Variants in MED26 observed in about 807,000 individuals in gnomAD.
MED26 encodes mediator of RNA polymerase II transcription subunit 26.
In MED26, 7 loss-of-function variants were observed where a neutral mutation model predicts 43.7. The ratio of observed to expected loss-of-function variants is 0.16; its 90% CI spans 0.09 to 0.30. The LOEUF (loss-of-function observed/expected upper bound fraction) is 0.30, where lower values mean the gene tolerates loss of function less well. Among genes scored for constraint, MED26 ranks in the 10% least tolerant of loss-of-function variants. The pLI is 1.00. For synonymous variants in MED26, 375 were observed against 371.1 expected (o/e 1.01, Z -0.12); for missense variants, 784 against 840.6 (o/e 0.93, Z 0.83).
At chr19:16,594,890 C>A (rs1240803229) in intron 1 of MED26, among the ~76,000 whole-genome samples, 1 of 152,130 alleles carries the variant, frequency 6.6e-6, no homozygotes, top group Admixed American at 6.5e-5. Flanking sequence ...GTCACCACAC[C>A]AAAACGGCTC....
chr19:16,617,671 A>G (rs2086232346), intron 1 of MED26, among the ~76,000 whole-genome samples: 1 of 152,180 alleles, frequency 6.6e-6, no homozygotes, highest in African/African-American at 2.4e-5. Context: ...CAGTGTTTAG[A>G]GGAAGGAAAA....
At chr19:16,611,389 G>A (rs1329571604) in intron 1 of MED26, 1 of 152,042 alleles carries the variant, frequency 6.6e-6, no homozygotes, top group African/African-American at 2.4e-5. Flanking sequence ...CTAGTGTTCT[G>A]AACCTTCCGG....
chr19:16,577,084 A>G lies in MED26; in HGVS notation c.746T>C (p.Val249Ala). The change falls in exon 3 of 3, where the codon GTG becomes GCG. Residue 249 changes from valine (V) to alanine (A), a missense_variant. Val to Ala is a moderately conservative substitution (Grantham distance 64). This residue lies in a region of MED26 where 719 missense variants were observed against 730.9 expected (regional missense o/e 0.98). Coordinates refer to ENST00000263390, the MANE Select transcript of MED26 (RefSeq NM_004831.5). The surrounding 1 kb of genome is among the most constrained non-coding windows in gnomAD (Gnocchi z 8.1). ...PGPCLQPKAS[V>A]LQQLDRVDET... The stretch of plus-strand genomic sequence containing the variant: ...GTCCACCCTGTCCAGCTGCTGCAGC[A>G]CCGAAGCCTTTGGCTGCAAGCAGGG... 6.2e-7 allele frequency: 1 copy of G among 1,609,570 alleles called. No individual in the cohort carries two copies. Among genetic ancestry groups the G allele is most frequent in the Non-Finnish European group, 8.5e-7 (1 of 1,176,912 alleles).
chr19:16,592,654 C>T (rs1188597674), intron 1 of MED26, among the ~76,000 whole-genome samples: 3 of 152,232 alleles, frequency 2.0e-5, no homozygotes, highest in Non-Finnish European at 4.4e-5. Context: ...CCACCTTCAT[C>T]CACTTGGCTC....
chr19:16,594,644 TGAA>T lies in MED26; in HGVS notation c.73-16238_73-16236del, dbSNP rs1426917945. Among the ~76,000 whole-genome samples the T allele has an allele frequency of 4.5e-4, 68 of 152,246 alleles. 1 individual carries two copies. Among genetic ancestry groups the T allele is most frequent in the Non-Finnish European group, 2.6e-4 (18 of 68,018 alleles). On this transcript the variant is annotated intron_variant, in intron 1 of 2. Transcript: ENST00000263390. ...GGTTCATTTTTCACCACGGTGAAGA[TGAA>T]GAAGGGGGAAAAAACCAGAACTTTC...
At chr19:16,598,329 T>C (rs1599339351) in intron 1 of MED26, among the ~76,000 whole-genome samples, 1 of 83,758 alleles carries the variant, frequency 1.2e-5, no homozygotes, top group Non-Finnish European at 2.2e-5. Context: ...AGAGTAAGAT[T>C]CCATCTCAAA....
At chr19:16,593,430 T>C (rs777509549) in intron 1 of MED26, among the ~76,000 whole-genome samples, 3 of 152,238 alleles carry the variant, frequency 2.0e-5, no homozygotes, top group African/African-American at 4.8e-5. Context: ...TTCTCACATG[T>C]GGTCCAGCCT....
chr19:16,575,898 C>T lies in MED26; in HGVS notation c.*129G>A. ...AGACCGCGTGACTCCCGCCCCCTCC[C>T]TCCCGCCTGGGCCGGACTCCCCGAG... On this transcript the variant is annotated 3_prime_UTR_variant, in exon 3 of 3. Transcript: ENST00000263390. 1.3e-6 allele frequency: 1 copy of T among 764,154 alleles called. No individual in the cohort carries two copies. Among genetic ancestry groups the T allele is most frequent in the South Asian group, 1.8e-5 (1 of 56,022 alleles). The allele number at this position is 764,154 out of a possible 1,614,324, so 47.3% of individuals were successfully genotyped here. A position where few individuals can be genotyped will look rare whatever the true frequency, so the allele number is the denominator to read the frequency against.
In MED26 at chr19:16,628,085, G is replaced by A; in HGVS notation, c.-142C>T. 1 of 409,884 alleles carries A rather than the reference G, an allele frequency of 2.4e-6. No individual in the cohort carries two copies. The highest frequency in any genetic ancestry group is 9.8e-5 in the South Asian group (1 of 10,214). The allele number at this position is 409,884 out of a possible 1,614,324, so 25.4% of individuals were successfully genotyped here. The stretch of plus-strand genomic sequence containing the variant: ...CCGGGGGGTTGGGGGCGCGCGGGGT[G>A]GCGGAGAGGGGAGCCGGGGCCGGGT... On this transcript the variant is annotated 5_prime_UTR_variant, in exon 1 of 3. Transcript: ENST00000263390.
chr19:16,583,194 C>T (rs2086054176), intron 1 of MED26, among the ~76,000 whole-genome samples: 1 of 152,252 alleles, frequency 6.6e-6, no homozygotes, highest in African/African-American at 2.4e-5. Flanking sequence ...TCAGGAATAG[C>T]CTGGCACATC....
At chr19:16,598,197 C>T (rs551760261) in intron 1 of MED26, among the ~76,000 whole-genome samples, 77 of 151,686 alleles carry the variant, frequency 5.1e-4, no homozygotes, top group Admixed American at 3.6e-3. Flanking sequence ...ATTAGCCGGG[C>T]GAGGTGGTGC....
At position 16,627,992 on chromosome 19, in the gene MED26, T is replaced by A; in HGVS notation, c.-49A>T. ...CGGCCGGGCCAGCGGGCGGGCGGGC[T>A]GAGGCGGGGGACGGGGGTCACTCAC... On this transcript the variant is annotated 5_prime_UTR_variant, in exon 1 of 3. Transcript: ENST00000263390. 8.0e-7 allele frequency: 1 copy of A among 1,257,582 alleles called. No homozygotes were observed. The highest frequency in any genetic ancestry group is 1.1e-6 in the Non-Finnish European group (1 of 945,270). The allele number at this position is 1,257,582 out of a possible 1,614,324, so 77.9% of individuals were successfully genotyped here.
chr19:16,627,019 G>C (rs955098838), intron 1 of MED26, among the ~76,000 whole-genome samples: 4 of 149,888 alleles, frequency 2.7e-5, no homozygotes, highest in Admixed American at 6.7e-5. Context: ...CCGAGGAAGC[G>C]ACACTCTGGA....
chr19:16,605,122 T>C (rs1034785116), intron 1 of MED26, among the ~76,000 whole-genome samples: 1 of 152,176 alleles, frequency 6.6e-6, no homozygotes, highest in Non-Finnish European at 1.5e-5. Context: ...GGTATACGAA[T>C]TTGTCAAAAA....
intron 1 of MED26, among the ~76,000 whole-genome samples, chr19:16,595,993 T>C (rs1391180080): frequency 6.6e-6 from 1 of 152,224 alleles, no homozygotes; most frequent in African/African-American, 2.4e-5. Context: ...TCATGGCAAC[T>C]GGTACTGCCT....
At chr19:16,615,998 G>A (rs145607848) in intron 1 of MED26, among the ~76,000 whole-genome samples, 1 of 152,288 alleles carries the variant, frequency 6.6e-6, no homozygotes, top group East Asian at 1.9e-4. Context: ...TCACTGCCCA[G>A]GAAGATGCAG....
At chr19:16,583,543 A>G (rs1240782288) in intron 1 of MED26, among the ~76,000 whole-genome samples, 1 of 152,162 alleles carries the variant, frequency 6.6e-6, no homozygotes, top group Non-Finnish European at 1.5e-5. Context: ...ACCTCCATGC[A>G]GCTACTAGGA....
In MED26 at chr19:16,577,732, A is replaced by G. The variant is rs760543846; in HGVS notation, c.148-50T>C. The G allele has an allele frequency of 1.4e-6, 2 of 1,448,452 alleles. No individual in the cohort carries two copies. The highest frequency in any genetic ancestry group is 2.8e-5 in the African/African-American group (2 of 70,204). The allele number at this position is 1,448,452 out of a possible 1,614,324, so 89.7% of individuals were successfully genotyped here. A position where few individuals can be genotyped will look rare whatever the true frequency, so the allele number is the denominator to read the frequency against. On this transcript the variant is annotated intron_variant, in intron 2 of 2. Coordinates refer to ENST00000263390, the MANE Select transcript of MED26 (RefSeq NM_004831.5). The surrounding 1 kb of genome is among the most constrained non-coding windows in gnomAD (Gnocchi z 8.1). The stretch of plus-strand genomic sequence containing the variant: ...ATACTTTCGGGACAGGAACTTCTCC[A>G]TGAGCTGAGCCAGAAATGGTGGGAA...
intron 1 of MED26, among the ~76,000 whole-genome samples, chr19:16,614,641 T>A (rs1486673734): frequency 2.6e-5 from 4 of 152,160 alleles, no homozygotes; most frequent in Non-Finnish European, 5.9e-5. Flanking sequence ...ACCAGGCCAC[T>A]GGGTCCTGTC....
Sources: allele counts gnomAD v4.1 joint callset (sites outside exome capture counted in the v4.1 genomes callset), GRCh38; gene constraint gnomAD v4.1.1; regional missense constraint gnomAD v4.1.1; non-coding constraint Gnocchi (gnomAD v3.1); transcripts MANE v1.5; gene names NCBI Gene and HGNC (gene_info 2026-07-23, HGNC 2026-07-21).